Variants in CA10 observed in about 807,000 individuals in gnomAD.
CA10 encodes carbonic anhydrase-related protein 10.
In CA10, 14 loss-of-function variants were observed where a neutral mutation model predicts 44.2. That is an observed-to-expected ratio of 0.32 (90% CI 0.21 to 0.50). The LOEUF (loss-of-function observed/expected upper bound fraction) is 0.50, where lower values mean the gene tolerates loss of function less well. Ranked by LOEUF, CA10 falls within the 20% of genes least tolerant of loss-of-function variation. The pLI, the probability that CA10 is intolerant of heterozygous loss-of-function variation, is 0.99. For missense variants in CA10, 350 were observed against 409.7 expected, an observed-to-expected ratio of 0.85 and a Z score of 1.26; for synonymous variants, 159 against 141.6, an observed-to-expected ratio of 1.12 and a Z score of -0.87.
At chr17:51,934,864 G>A (rs982775752) in intron 2 of CA10, among the ~76,000 whole-genome samples, 3 of 152,100 alleles carry the variant, frequency 2.0e-5, no homozygotes, top group East Asian at 1.9e-4. Flanking sequence ...CTCAAGTGCC[G>A]AATGGACCAG....
At chr17:51,650,314 T>A (rs1913518385) in intron 5 of CA10, among the ~76,000 whole-genome samples, 1 of 152,228 alleles carries the variant, frequency 6.6e-6, no homozygotes, top group Non-Finnish European at 1.5e-5. Flanking sequence ...TATGTCTCAG[T>A]GGCTAATCGG....
chr17:51,905,259 G>A (rs999648426), intron 3 of CA10, among the ~76,000 whole-genome samples: 1 of 152,142 alleles, frequency 6.6e-6, no homozygotes, highest in East Asian at 1.9e-4. Flanking sequence ...TTGGAGATAG[G>A]AGTCTTTGCG....
At chr17:52,047,420 TAAAG>T (rs1027407021) in intron 2 of CA10, among the ~76,000 whole-genome samples, 7 of 152,106 alleles carry the variant, frequency 4.6e-5, no homozygotes, top group African/African-American at 1.7e-4. Context: ...AATTTGAAAT[TAAAG>T]AATTTTACTA....
chr17:52,110,418 T>C (rs1210864516), intron 1 of CA10, among the ~76,000 whole-genome samples: 4 of 152,210 alleles, frequency 2.6e-5, no homozygotes, highest in Non-Finnish European at 5.9e-5. Context: ...TCAATTCCAA[T>C]AGGAAAACAG....
chr17:51,670,847 G>T (rs1353619829), intron 4 of CA10, among the ~76,000 whole-genome samples: 1 of 152,176 alleles, frequency 6.6e-6, no homozygotes, highest in Non-Finnish European at 1.5e-5. Flanking sequence ...CCTTAGAGAT[G>T]CTAAGTAATG....
At chr17:51,973,933 G>T (rs111985364) in intron 2 of CA10, among the ~76,000 whole-genome samples, 2 of 151,968 alleles carry the variant, frequency 1.3e-5, no homozygotes, top group African/African-American at 2.4e-5. Flanking sequence ...AGCAGATAAA[G>T]ATTATAAAAG....
At chr17:51,919,734 C>T (rs1249147899) in intron 3 of CA10, among the ~76,000 whole-genome samples, 1 of 152,168 alleles carries the variant, frequency 6.6e-6, no homozygotes, top group Admixed American at 6.5e-5. Context: ...TCACTGCAAC[C>T]TCCACCTCCC....
At chr17:51,814,199 TATTAA>T (rs1907480570) in intron 3 of CA10, among the ~76,000 whole-genome samples, 1 of 152,200 alleles carries the variant, frequency 6.6e-6, no homozygotes, top group Admixed American at 6.5e-5. Context: ...ATTTTATTAG[TATTAA>T]ATTATTAATA....
chr17:51,882,922 T>G (rs77992034), intron 3 of CA10, among the ~76,000 whole-genome samples: 1,625 of 152,340 alleles, frequency 0.011, 19 homozygotes, highest in African/African-American at 0.037. Context: ...TGAAAAAAGT[T>G]GTGCTCCCAA....
intron 4 of CA10, among the ~76,000 whole-genome samples, chr17:51,689,955 T>G (rs186363708): frequency 4.6e-5 from 7 of 151,908 alleles, no homozygotes; most frequent in African/African-American, 1.7e-4. Flanking sequence ...CTTACCGATT[T>G]TTTTTTTTTT....
chr17:51,726,591 T>C (rs1310669240), intron 4 of CA10, among the ~76,000 whole-genome samples: 4 of 152,180 alleles, frequency 2.6e-5, no homozygotes, highest in African/African-American at 9.7e-5. Flanking sequence ...ATTTTTAAAA[T>C]ATATATAAAA....
intron 1 of CA10, among the ~76,000 whole-genome samples, chr17:52,080,262 T>C (rs1054860136): frequency 2.0e-5 from 3 of 151,958 alleles, no homozygotes; most frequent in African/African-American, 2.4e-5. Context: ...ACCATCCTGG[T>C]TAACACGGCA....
At chr17:51,767,834 G>C (rs1226236224) in intron 3 of CA10, among the ~76,000 whole-genome samples, 1 of 151,560 alleles carries the variant, frequency 6.6e-6, no homozygotes, top group Non-Finnish European at 1.5e-5. Context: ...TCTCTCACAT[G>C]CTTAGTTAAT....
chr17:52,035,078 C>T (rs562545350), intron 2 of CA10, among the ~76,000 whole-genome samples: 3 of 152,186 alleles, frequency 2.0e-5, no homozygotes, highest in African/African-American at 7.2e-5. Context: ...CTGGTGAAGC[C>T]CCACCTTCAA....
At chr17:51,920,371 G>T (rs1205808009) in intron 3 of CA10, among the ~76,000 whole-genome samples, 1 of 152,074 alleles carries the variant, frequency 6.6e-6, no homozygotes, top group East Asian at 1.9e-4. Flanking sequence ...ATGAAAGGGA[G>T]GGAGGAGGTT....
chr17:51,890,958 CAT>C (rs61687074), intron 3 of CA10, among the ~76,000 whole-genome samples: 11,203 of 152,166 alleles, frequency 0.074, 425 homozygotes, highest in South Asian at 0.095. Flanking sequence ...CAAACAAGGC[CAT>C]ATCTCCTCCT....
At chr17:52,016,042 G>A (rs1985958538) in intron 2 of CA10, among the ~76,000 whole-genome samples, 1 of 152,018 alleles carries the variant, frequency 6.6e-6, no homozygotes, top group Non-Finnish European at 1.5e-5. Flanking sequence ...CCTTGGAGTA[G>A]ACATTGGAGA....
chr17:51,958,993 A>G (rs1983768433), intron 2 of CA10, among the ~76,000 whole-genome samples: 2 of 152,128 alleles, frequency 1.3e-5, no homozygotes, highest in Non-Finnish European at 2.9e-5. Flanking sequence ...TAGTATCAAT[A>G]TGGTATTAAG....
chr17:51,964,710 G>T (rs1984016906), intron 2 of CA10, among the ~76,000 whole-genome samples: 1 of 151,544 alleles, frequency 6.6e-6, no homozygotes, highest in Non-Finnish European at 1.5e-5. Flanking sequence ...AAAAATCTTT[G>T]AAATAAAAGA....
Sources: gnomAD v4.1 joint callset for allele counts (sites outside exome capture counted in the v4.1 genomes callset) on GRCh38, gnomAD v4.1.1 for gene constraint, MANE v1.5 for transcripts, NCBI Gene and HGNC (gene_info 2026-07-23, HGNC 2026-07-21) for gene names.